The following SLC39A11 variants were observed in gnomAD, a reference collection of about 807,000 sequenced individuals.
SLC39A11 encodes the protein solute carrier family 39 member 11, also known as zinc transporter ZIP11.
A neutral mutation model predicts 36.1 loss-of-function variants in SLC39A11; 33 were observed. That is an observed-to-expected ratio of 0.91 (90% CI 0.69 to 1.22). The LOEUF (loss-of-function observed/expected upper bound fraction) is 1.22, where lower values mean the gene tolerates loss of function less well. SLC39A11 is among the 50% of genes most tolerant of loss of function. The pLI is 0.00. For synonymous variants in SLC39A11, 166 were observed against 170.3 expected (o/e 0.97, Z 0.20); for missense variants, 432 against 430.3 (o/e 1.00, Z -0.03).
At chr17:72,982,825 C>T (rs2088429625) in intron 4 of SLC39A11, among the ~76,000 whole-genome samples, 1 of 152,036 alleles carries the variant, frequency 6.6e-6, no homozygotes, top group African/African-American at 2.4e-5. Flanking sequence ...ATGATGGCAG[C>T]AAGTGCAGCT....
intron 5 of SLC39A11, among the ~76,000 whole-genome samples, chr17:72,928,028 A>G (rs2084158435): frequency 1.3e-5 from 2 of 152,228 alleles, no homozygotes; most frequent in African/African-American, 4.8e-5. Context: ...GTGCTCAAAT[A>G]ACACTGATTG....
intron 5 of SLC39A11, among the ~76,000 whole-genome samples, chr17:72,900,153 A>AAAAGAAAGAAAGAAAGAAAGAAAG (rs201428795): frequency 1.6e-5 from 1 of 61,296 alleles, no homozygotes; most frequent in Admixed American, 1.7e-4. Flanking sequence ...AGAAAGAAAG[A>AAAAGAAAGAAAGAAAGAAAGAAAG]AAAGAAAGAA....
intron 3 of SLC39A11, among the ~76,000 whole-genome samples, chr17:73,054,207 C>T (rs555498301): frequency 1.6e-4 from 25 of 152,014 alleles, no homozygotes; most frequent in Non-Finnish European, 2.8e-4. Flanking sequence ...ACTAAAAATA[C>T]AAAAATTAGC....
chr17:72,670,158 TATACACACACACACACACACAC>T (rs1230682064), intron 7 of SLC39A11, among the ~76,000 whole-genome samples: 96 of 126,382 alleles, frequency 7.6e-4, no homozygotes, highest in Middle Eastern at 3.9e-3. Flanking sequence ...ACACATTTTA[TATACACACACACACACACACAC>T]ACACACACAC....
chr17:72,798,414 C>CTTTTTTTTTTT lies in SLC39A11; in HGVS notation c.601+51219_601+51220insAAAAAAAAAAA, dbSNP rs145211486. Among the ~76,000 whole-genome samples, 18 of 140,630 alleles carry CTTTTTTTTTTT rather than the reference C, an allele frequency of 1.3e-4. 4 individuals carry two copies. The highest frequency in any genetic ancestry group is 2.1e-4 in the Admixed American group (3 of 13,956). The allele number at this position is 140,630 out of a possible 152,430, so 92.3% of individuals were successfully genotyped here. A position where few individuals can be genotyped will look rare whatever the true frequency, so the allele number is the denominator to read the frequency against. The stretch of plus-strand genomic sequence containing the variant: ...GAGCTCTGGTCTCTTCCACTTCTTT[C>CTTTTTTTTTTT]TTTCTTTTTTTTTTTTTGAGATGGA... On this transcript the variant is annotated intron_variant, in intron 6 of 9. Transcript: ENST00000255559.
At chr17:72,950,272 C>A (rs1217250025) in intron 4 of SLC39A11, among the ~76,000 whole-genome samples, 4 of 152,232 alleles carry the variant, frequency 2.6e-5, no homozygotes, top group Admixed American at 1.3e-4. Context: ...CCTGTTTGAG[C>A]TACCCTTGTA....
At chr17:73,033,141 T>C (rs2058792317) in intron 3 of SLC39A11, among the ~76,000 whole-genome samples, 1 of 152,174 alleles carries the variant, frequency 6.6e-6, no homozygotes, top group Non-Finnish European at 1.5e-5. Flanking sequence ...CACGTTCCTA[T>C]GAGAATCTAA....
rs556074472 is a variant in SLC39A11, at chr17:72,769,670, G to A, written c.602-32951C>T. Reference sequence around the variant, plus strand: ...AGTGATTCTCCTGTCTCAGCCTCCCGATTAGCTGCGACTACAGGTGCGTGC... The same window carrying A: ...AGTGATTCTCCTGTCTCAGCCTCCCAATTAGCTGCGACTACAGGTGCGTGC... On this transcript the variant is annotated intron_variant, in intron 6 of 9. Transcript: ENST00000255559. 3.3e-5 allele frequency among the ~76,000 whole-genome samples: 5 copies of A among 151,890 alleles called. No individual in the cohort carries two copies. In the South Asian group the frequency reaches 8.3e-4, roughly 25 times the overall value.
chr17:72,944,007 G>A (rs762429468), intron 5 of SLC39A11, among the ~76,000 whole-genome samples: 1 of 152,162 alleles, frequency 6.6e-6, no homozygotes, highest in South Asian at 2.1e-4. Flanking sequence ...GATCCAATGA[G>A]ATTGAACTCT....
intron 5 of SLC39A11, among the ~76,000 whole-genome samples, chr17:72,928,673 T>G (rs7502228): frequency 0.45 from 68,127 of 152,026 alleles, 15,746 homozygotes; most frequent in African/African-American, 0.56. Context: ...GCTTTGAGTC[T>G]ACGTCAATAG....
At chr17:73,059,019 C>T (rs2059757748) in intron 3 of SLC39A11, among the ~76,000 whole-genome samples, 1 of 151,874 alleles carries the variant, frequency 6.6e-6, no homozygotes, top group African/African-American at 2.4e-5. Context: ...ATGAATTTGT[C>T]ATTGTTTCAA....
chr17:73,067,994 T>A, intron 3 of SLC39A11: 1 of 1,595,120 alleles, frequency 6.3e-7, no homozygotes, highest in Non-Finnish European at 8.6e-7. Flanking sequence ...AATAAACAAC[T>A]GTTCTGAGGC....
intron 4 of SLC39A11, among the ~76,000 whole-genome samples, chr17:72,996,176 C>A (rs11658524): frequency 0.52 from 79,306 of 151,802 alleles, 22,049 homozygotes; most frequent in Middle Eastern, 0.74. Context: ...AATCTAAATT[C>A]TTTGTATAAC....
In SLC39A11 at chr17:73,081,527, G is replaced by T. The variant is rs534135518; in HGVS notation, c.147+3281C>A. ...ACAAAAAACATACTTGCACACACGT[G>T]TTTATAGCAACACAATTCACAATTG... On this transcript the variant is annotated intron_variant, in intron 3 of 9. Coordinates refer to ENST00000255559, the MANE Select transcript of SLC39A11 (RefSeq NM_139177.4). 2.6e-5 allele frequency among the ~76,000 whole-genome samples: 4 copies of T among 151,698 alleles called. No homozygotes were observed. The South Asian group carries it at 8.3e-4, about 31-fold the overall frequency.
chr17:72,847,348 G>A (rs1322197744), intron 6 of SLC39A11, among the ~76,000 whole-genome samples: 1 of 151,210 alleles, frequency 6.6e-6, no homozygotes, highest in Non-Finnish European at 1.5e-5. Context: ...ATTGAAGTGA[G>A]CTGAGACTGC....
chr17:72,750,394 A>G (rs2075108103), intron 6 of SLC39A11, among the ~76,000 whole-genome samples: 1 of 139,756 alleles, frequency 7.2e-6, no homozygotes, highest in South Asian at 2.7e-4. Context: ...CATGAACTCT[A>G]GCACACACTT....
intron 6 of SLC39A11, among the ~76,000 whole-genome samples, chr17:72,740,273 G>A (rs2074630459): frequency 2.0e-5 from 3 of 151,862 alleles, no homozygotes; most frequent in Admixed American, 2.0e-4. Context: ...CACCGTGTTA[G>A]CCAGGATGGT....
chr17:72,849,635 T>C lies in SLC39A11; in HGVS notation c.600A>G (p.Pro200=). 1.3e-6 allele frequency: 2 copies of C among 1,515,734 alleles called. No individual in the cohort carries two copies. Among genetic ancestry groups the C allele is most frequent in the Non-Finnish European group, 1.8e-6 (2 of 1,130,136 alleles). The allele number at this position is 1,515,734 out of a possible 1,614,324, so 93.9% of individuals were successfully genotyped here. The change falls in exon 6 of 10, where the codon CCA becomes CCG. Residue 200 remains proline (P), a splice_region_variant and synonymous_variant. Transcript: ENST00000255559. ...TCACGCTCACGGGCAAGACCTCACC[T>C]GGAACGTTGTGTATAGTGATGGCCA... ...LILAITIHNV[P]EGLAVGVGFG...
At chr17:72,806,141 T>G (rs1247810062) in intron 6 of SLC39A11, among the ~76,000 whole-genome samples, 3 of 152,184 alleles carry the variant, frequency 2.0e-5, no homozygotes, top group African/African-American at 7.2e-5. Context: ...CCTTTTGGAC[T>G]AGTGAAGGCA....
Sources: allele counts gnomAD v4.1 joint callset (sites outside exome capture counted in the v4.1 genomes callset), GRCh38; gene constraint gnomAD v4.1.1; transcripts MANE v1.5; gene names NCBI Gene and HGNC (gene_info 2026-07-23, HGNC 2026-07-21).